The following ACSM4 variants were observed in gnomAD, a reference collection of about 807,000 sequenced individuals.
The protein encoded by ACSM4 is acyl-coenzyme A synthetase ACSM4, mitochondrial.
In ACSM4, 66 loss-of-function variants were observed where a neutral mutation model predicts 73.0. The ratio of observed to expected loss-of-function variants is 0.90; its 90% CI spans 0.74 to 1.11. ACSM4 has a LOEUF of 1.11. ACSM4 is among the 50% of genes least tolerant of loss of function. The pLI is 0.00. For missense variants in ACSM4, 645 were observed against 714.4 expected, an observed-to-expected ratio of 0.90 and a Z score of 1.11; for synonymous variants, 222 against 254.0, an observed-to-expected ratio of 0.87 and a Z score of 1.20.
chr12:7,328,142 T>C, intron 12 of ACSM4, 145 bp from the exon 13 acceptor site: 1 of 553,434 alleles, frequency 1.8e-6, no homozygotes. Context: ...CAGACGTTTC[T>C]GGTGTCCATG....
intron 8 of ACSM4, 31 bp from the exon 9 acceptor site, chr12:7,323,428 T>A: frequency 6.2e-7 from 1 of 1,610,164 alleles, no homozygotes; most frequent in Non-Finnish European, 8.5e-7. Context: ...AAAGAAAATT[T>A]TAAGACCATC....
chr12:7,317,423 G>T, intron 4 of ACSM4, 143 bp downstream of exon 4: 1 of 1,172,302 alleles, frequency 8.5e-7, no homozygotes. Context: ...TGCTGGCCCC[G>T]CCCAACCTAG....
chr12:7,319,191 C>T (rs1376719069), intron 5 of ACSM4, among the ~76,000 whole-genome samples: 1 of 152,118 alleles, frequency 6.6e-6, no homozygotes, highest in East Asian at 1.9e-4. Flanking sequence ...AAGGAGCACA[C>T]AACCTAGATC....
chr12:7,322,410 C>T lies in ACSM4; in HGVS notation c.1002-8C>T. 1 of 1,613,486 alleles carries T rather than the reference C, an allele frequency of 6.2e-7. No individual in the cohort carries two copies. The highest frequency in any genetic ancestry group is 8.5e-7 in the Non-Finnish European group (1 of 1,179,770). On this transcript the variant is annotated splice_polypyrimidine_tract_variant and splice_region_variant and intron_variant, in intron 6 of 12. Transcript: ENST00000399422. ...CTTGAAAAGACCCATGCAACTCTGT[C>T]TCTCCAGATATAAATTCAAGAGTCT...
At chr12:7,326,535 A>C (rs1946507143) in intron 11 of ACSM4, among the ~76,000 whole-genome samples, 1 of 152,092 alleles carries the variant, frequency 6.6e-6, no homozygotes, top group Non-Finnish European at 1.5e-5. Context: ...ATCTCCCAGG[A>C]TACACAGTCC....
At chr12:7,327,600 G>A (rs990476811) in intron 12 of ACSM4, among the ~76,000 whole-genome samples, 6 of 152,144 alleles carry the variant, frequency 3.9e-5, no homozygotes, top group African/African-American at 1.4e-4. Flanking sequence ...CATGAAGATG[G>A]CCCTGTAGTT....
At chr12:7,325,981 G>A (rs1293581734) in intron 11 of ACSM4, among the ~76,000 whole-genome samples, 2 of 152,162 alleles carry the variant, frequency 1.3e-5, no homozygotes, top group East Asian at 1.9e-4. Flanking sequence ...GTTTCTTCCT[G>A]CCACCATGTT....
At chr12:7,308,058 T>A (rs1946371031) in intron 2 of ACSM4, among the ~76,000 whole-genome samples, 1 of 152,186 alleles carries the variant, frequency 6.6e-6, no homozygotes, top group South Asian at 2.1e-4. Context: ...GAGGTGTGTG[T>A]GTATAAGTGA....
Position 7,304,487 on chromosome 12 carries a change from T to C in ACSM4, c.156T>C (p.Phe52=). 1 of 1,613,962 alleles carries C rather than the reference T, an allele frequency of 6.2e-7. No homozygotes were observed. The highest frequency in any genetic ancestry group is 8.5e-7 in the Non-Finnish European group (1 of 1,179,870). Residue 52 remains phenylalanine, a synonymous_variant, in exon 1 of 13, where the codon TTT becomes TTC. Transcript: ENST00000399422. Reference sequence around the variant, plus strand: ...GTAACAGGCCATTGCCTAAAAACTTTAACTTTGCTGCAGATGTGCTGGACC... The same window carrying C: ...GTAACAGGCCATTGCCTAAAAACTTCAACTTTGCTGCAGATGTGCTGGACC... The part of the protein sequence containing the change: ...NRCNRPLPKN[F]NFAADVLDQW...
At chr12:7,310,482 A>T in intron 2 of ACSM4, 57 bp from the exon 3 acceptor site, 1 of 1,515,504 alleles carries the variant, frequency 6.6e-7, no homozygotes, top group Non-Finnish European at 8.9e-7. Context: ...CACAAAGCCC[A>T]AGTCTTCCAC....
At chr12:7,320,699 C>T in intron 5 of ACSM4, 26 bp from the exon 6 acceptor site, 1 of 1,585,898 alleles carries the variant, frequency 6.3e-7, no homozygotes, top group South Asian at 1.1e-5. Flanking sequence ...CCACTTCTGA[C>T]ATCTGTGTCT....
At chr12:7,308,227 T>C (rs190888974) in intron 2 of ACSM4, among the ~76,000 whole-genome samples, 195 of 152,298 alleles carry the variant, frequency 1.3e-3, no homozygotes, top group African/African-American at 4.5e-3. Context: ...AAAAACAACT[T>C]GCAAATGTTA....
chr12:7,310,888 G>A (rs1946386904), intron 3 of ACSM4, 142 bp downstream of exon 3: 1 of 895,492 alleles, frequency 1.1e-6, no homozygotes, highest in East Asian at 2.7e-5. Context: ...CCTAATAGCT[G>A]GGTGCGCTGG....
In ACSM4 at chr12:7,320,781, G is replaced by A. The variant is rs748109149; in HGVS notation, c.978G>A (p.Met326Ile). 7 of 1,613,590 alleles carry A rather than the reference G, an allele frequency of 4.3e-6. No homozygotes were observed. The highest frequency in any genetic ancestry group is 5.9e-6 in the Non-Finnish European group (7 of 1,179,674). The change falls in exon 6 of 13, where the codon ATG becomes ATA. Residue 326 changes from methionine to isoleucine, a missense_variant. Transcript: ENST00000399422. ...TLCSPPTVYR[M>I]LVQKDLKRYK... ...GCAGTCCTCCCACTGTGTACCGGAT[G>A]CTCGTGCAAAAAGACCTTAAGAGGT...
chr12:7,327,167 G>A, intron 12 of ACSM4, 72 bp downstream of exon 12: 1 of 1,455,742 alleles, frequency 6.9e-7, no homozygotes, highest in South Asian at 1.4e-5. Flanking sequence ...AGATTTTACT[G>A]GATTTTGATT....
intron 2 of ACSM4, among the ~76,000 whole-genome samples, chr12:7,309,992 C>T (rs1946381139): frequency 3.3e-5 from 5 of 152,134 alleles, no homozygotes; most frequent in African/African-American, 7.2e-5. Flanking sequence ...CCATGTTGCT[C>T]GGGGTGGTCT....
chr12:7,323,664 C>T, intron 9 of ACSM4, 104 bp downstream of exon 9: 1 of 989,330 alleles, frequency 1.0e-6, no homozygotes, highest in East Asian at 2.6e-5. Flanking sequence ...CAAAATCTTT[C>T]ACAACTGTAA....
intron 2 of ACSM4, among the ~76,000 whole-genome samples, chr12:7,307,898 T>G (rs924464879): frequency 6.6e-6 from 1 of 152,204 alleles, no homozygotes; most frequent in African/African-American, 2.4e-5. Flanking sequence ...GCATAAATGT[T>G]TATAAGTCAA....
In ACSM4 at chr12:7,323,536, C is replaced by T. The variant is rs796412133; in HGVS notation, c.1284C>T (p.Pro428=). ...CCCTCAGACTCAAACCTACACGGCC[C>T]TTCTGTTTCTTCTCTAAATATGTGG... The part of the protein sequence containing the change: ...EIALRLKPTR[P]FCFFSKYVDN... Residue 428 remains proline (P), a synonymous_variant, in exon 9 of 13, where the codon CCC becomes CCT. Coordinates refer to ENST00000399422, the MANE Select transcript of ACSM4 (RefSeq NM_001080454.2). 3.7e-6 allele frequency: 6 copies of T among 1,613,534 alleles called. No individual in the cohort carries two copies. In the African/African-American group the frequency reaches 8.0e-5, roughly 22 times the overall value.
Sources: allele counts gnomAD v4.1 joint callset (sites outside exome capture counted in the v4.1 genomes callset), GRCh38; gene constraint gnomAD v4.1.1; transcripts MANE v1.5; gene names NCBI Gene and HGNC (gene_info 2026-07-23, HGNC 2026-07-21).